The following PTPRD variants were observed in gnomAD, a reference collection of about 807,000 sequenced individuals.
The protein encoded by PTPRD is protein tyrosine phosphatase receptor type D.
A neutral mutation model predicts 214.5 loss-of-function variants in PTPRD; 34 were observed. The observed-to-expected ratio is 0.16, with a 90% CI of 0.12 to 0.21. The LOEUF (loss-of-function observed/expected upper bound fraction) is 0.21. PTPRD is among the 10% of genes least tolerant of loss of function. PTPRD has a pLI of 1.00. For missense variants in PTPRD, 2,545 were observed against 2,398.7 expected, an observed-to-expected ratio of 1.06 and a Z score of -1.27; for synonymous variants, 1,128 against 845.7, an observed-to-expected ratio of 1.33 and a Z score of -5.79.
At chr9:9,938,174 T>A (rs1317202427) in intron 5 of PTPRD, among the ~76,000 whole-genome samples, 1 of 152,122 alleles carries the variant, frequency 6.6e-6, no homozygotes, top group Non-Finnish European at 1.5e-5. Context: ...GGTTTCCCAC[T>A]CTGGATCACT....
intron 7 of PTPRD, among the ~76,000 whole-genome samples, chr9:9,624,058 G>C (rs957968364): frequency 1.3e-5 from 2 of 152,136 alleles, no homozygotes; most frequent in Admixed American, 6.5e-5. Context: ...ATCAGACACA[G>C]ATCAACCAAT....
intron 6 of PTPRD, among the ~76,000 whole-genome samples, chr9:9,738,400 T>C (rs991104042): frequency 6.6e-6 from 1 of 151,020 alleles, no homozygotes; most frequent in Non-Finnish European, 1.5e-5. Flanking sequence ...TTTTTAATCT[T>C]CTTTGGAGAA....
chr9:9,962,631 G>A (rs1026760601), intron 4 of PTPRD, among the ~76,000 whole-genome samples: 16 of 151,874 alleles, frequency 1.1e-4, no homozygotes, highest in Admixed American at 2.6e-4. Flanking sequence ...TACGATTAAC[G>A]GTAGACATAA....
intron 11 of PTPRD, among the ~76,000 whole-genome samples, chr9:9,018,076 T>A (rs1358274178): frequency 6.6e-6 from 1 of 152,188 alleles, no homozygotes; most frequent in Non-Finnish European, 1.5e-5. Flanking sequence ...TCTTCTTTAT[T>A]ATTTTCAGTT....
chr9:10,402,728 C>G (rs1397151930), intron 2 of PTPRD, among the ~76,000 whole-genome samples: 1 of 151,626 alleles, frequency 6.6e-6, no homozygotes, highest in African/African-American at 2.4e-5. Context: ...TTGTCTATCT[C>G]TGACAGATTT....
At chr9:8,450,902 T>C (rs1435961748) in intron 33 of PTPRD, among the ~76,000 whole-genome samples, 1 of 152,156 alleles carries the variant, frequency 6.6e-6, no homozygotes, top group Admixed American at 6.5e-5. Flanking sequence ...TCCTAGTATC[T>C]CACCCCTGCT....
chr9:10,268,115 CTTTT>C (rs375227811), intron 3 of PTPRD, among the ~76,000 whole-genome samples: 1 of 132,826 alleles, frequency 7.5e-6, no homozygotes, highest in South Asian at 2.5e-4. Flanking sequence ...CCATCTCCAT[CTTTT>C]TTTTTTTTTT....
chr9:9,060,633 C>A (rs187440648), intron 10 of PTPRD, among the ~76,000 whole-genome samples: 47 of 151,850 alleles, frequency 3.1e-4, no homozygotes, highest in Admixed American at 2.8e-3. Context: ...ATAGTGATAT[C>A]CTAGGAATAA....
intron 11 of PTPRD, among the ~76,000 whole-genome samples, chr9:9,009,723 A>C (rs906827728): frequency 2.6e-5 from 4 of 152,088 alleles, no homozygotes; most frequent in African/African-American, 9.7e-5. Flanking sequence ...TCTGTGATGT[A>C]TGTGCCAATT....
At chr9:10,263,199 C>G (rs539553780) in intron 3 of PTPRD, among the ~76,000 whole-genome samples, 1 of 152,208 alleles carries the variant, frequency 6.6e-6, no homozygotes, top group Admixed American at 6.5e-5. Context: ...AAATTGGTAC[C>G]AGTAGAATAG....
At chr9:8,529,341 C>T (rs548161286) in intron 14 of PTPRD, among the ~76,000 whole-genome samples, 1 of 152,176 alleles carries the variant, frequency 6.6e-6, no homozygotes, top group Non-Finnish European at 1.5e-5. Context: ...TGTTTTCCCT[C>T]ACAAGTATAA....
At chr9:8,367,210 A>G (rs1007005507) in intron 39 of PTPRD, among the ~76,000 whole-genome samples, 2 of 151,684 alleles carry the variant, frequency 1.3e-5, no homozygotes, top group African/African-American at 4.9e-5. Context: ...TTAAAATAAG[A>G]GTTGCATTCA....
intron 8 of PTPRD, among the ~76,000 whole-genome samples, chr9:9,459,600 A>G (rs534746128): frequency 2.0e-5 from 3 of 152,188 alleles, no homozygotes; most frequent in Admixed American, 1.3e-4. Context: ...AATCGCATTT[A>G]AAACAGCCAC....
intron 3 of PTPRD, among the ~76,000 whole-genome samples, chr9:10,107,606 G>A (rs1348361462): frequency 1.3e-5 from 2 of 152,048 alleles, no homozygotes; most frequent in Non-Finnish European, 2.9e-5. Context: ...ACAACATAAT[G>A]CATGTAATAG....
intron 14 of PTPRD, among the ~76,000 whole-genome samples, chr9:8,629,259 A>T (rs1257746976): frequency 1.3e-5 from 2 of 151,814 alleles, no homozygotes; most frequent in African/African-American, 4.8e-5. Flanking sequence ...CCTCTTGCCC[A>T]AAAGAAGCAA....
At chr9:8,544,307 C>T (rs1285184836) in intron 14 of PTPRD, among the ~76,000 whole-genome samples, 1 of 151,472 alleles carries the variant, frequency 6.6e-6, no homozygotes, top group South Asian at 2.1e-4. Context: ...ATCTCGAACT[C>T]CCAACCCTCA....
intron 10 of PTPRD, among the ~76,000 whole-genome samples, chr9:9,027,194 T>A (rs1361449163): frequency 2.0e-5 from 3 of 151,770 alleles, no homozygotes; most frequent in Non-Finnish European, 4.4e-5. Flanking sequence ...TCCAGGTGGA[T>A]TTTCCAAATG....
At chr9:9,827,966 A>C (rs574732869) in intron 5 of PTPRD, among the ~76,000 whole-genome samples, 4 of 152,260 alleles carry the variant, frequency 2.6e-5, no homozygotes, top group Admixed American at 1.3e-4. Context: ...ACAATCTCAC[A>C]CCAGTTAGAA....
intron 12 of PTPRD, among the ~76,000 whole-genome samples, chr9:8,729,982 C>T (rs1197060671): frequency 1.3e-5 from 2 of 152,184 alleles, no homozygotes; most frequent in Non-Finnish European, 2.9e-5. Flanking sequence ...ATAGGCCGGG[C>T]GTGGTGGCTC....
Sources: gnomAD v4.1 joint callset for allele counts (sites outside exome capture counted in the v4.1 genomes callset) on GRCh38, gnomAD v4.1.1 for gene constraint, MANE v1.5 for transcripts, NCBI Gene and HGNC (gene_info 2026-07-23, HGNC 2026-07-21) for gene names.